PLCXD3: variants seen among roughly 807,000 people sequenced by gnomAD.
The protein encoded by PLCXD3 is PI-PLC X domain-containing protein 3.
In PLCXD3, 19 loss-of-function variants were observed where a neutral mutation model predicts 25.5. The ratio of observed to expected loss-of-function variants is 0.75; its 90% CI spans 0.52 to 1.09. PLCXD3 has a LOEUF of 1.09. Ranked by LOEUF, PLCXD3 falls within the 50% of genes least tolerant of loss-of-function variation. The probability of loss-of-function intolerance (pLI) is 0.00; values close to 1 mark genes in which losing one functional copy is unlikely to be tolerated. For missense variants in PLCXD3, 411 were observed against 388.1 expected, an observed-to-expected ratio of 1.06 and a Z score of -0.50; for synonymous variants, 174 against 137.6, an observed-to-expected ratio of 1.26 and a Z score of -1.85.
intron 2 of PLCXD3, among the ~76,000 whole-genome samples, chr5:41,318,461 G>A (rs1416969890): frequency 3.3e-5 from 5 of 152,056 alleles, no homozygotes; most frequent in Admixed American, 1.3e-4. Flanking sequence ...ATGAAGTTAA[G>A]GCGTATTTTT....
chr5:41,422,937 G>A (rs371404270), intron 1 of PLCXD3, among the ~76,000 whole-genome samples: 62 of 152,174 alleles, frequency 4.1e-4, no homozygotes, highest in African/African-American at 1.4e-3. Flanking sequence ...AGGTTAGGTA[G>A]TTGATAGATA....
chr5:41,415,741 A>T (rs1295889450), intron 1 of PLCXD3, among the ~76,000 whole-genome samples: 1 of 152,198 alleles, frequency 6.6e-6, no homozygotes, highest in Non-Finnish European at 1.5e-5. Flanking sequence ...GGATATTATT[A>T]TCTGCTTGAA....
At chr5:41,360,806 TG>T (rs1744749837) in intron 2 of PLCXD3, among the ~76,000 whole-genome samples, 1 of 152,184 alleles carries the variant, frequency 6.6e-6, no homozygotes, top group Non-Finnish European at 1.5e-5. Context: ...GTTGTATTTT[TG>T]TTTAATGCAT....
intron 2 of PLCXD3, among the ~76,000 whole-genome samples, chr5:41,358,453 C>CA (rs1744680778): frequency 6.6e-6 from 1 of 152,074 alleles, no homozygotes; most frequent in South Asian, 2.1e-4. Context: ...TCCTCACCCC[C>CA]ACTCCCGCTC....
intron 1 of PLCXD3, among the ~76,000 whole-genome samples, chr5:41,399,310 C>A (rs1425135223): frequency 6.6e-6 from 1 of 152,160 alleles, no homozygotes; most frequent in Non-Finnish European, 1.5e-5. Flanking sequence ...TATCAAAATA[C>A]TAATGACATT....
At chr5:41,498,849 C>T (rs1748893155) in intron 1 of PLCXD3, among the ~76,000 whole-genome samples, 1 of 151,640 alleles carries the variant, frequency 6.6e-6, no homozygotes, top group Non-Finnish European at 1.5e-5. Context: ...GATGATTCAA[C>T]ATATAAAAAT....
At chr5:41,315,645 C>T (rs1384018631) in intron 2 of PLCXD3, among the ~76,000 whole-genome samples, 1 of 152,260 alleles carries the variant, frequency 6.6e-6, no homozygotes, top group African/African-American at 2.4e-5. Context: ...GCGGAAAATG[C>T]CACAGAAGAA....
chr5:41,437,364 G>C (rs1260625015), intron 1 of PLCXD3, among the ~76,000 whole-genome samples: 1 of 152,228 alleles, frequency 6.6e-6, no homozygotes, highest in Non-Finnish European at 1.5e-5. Flanking sequence ...AACACTGAAA[G>C]TGAATGCATA....
intron 1 of PLCXD3, among the ~76,000 whole-genome samples, chr5:41,458,255 C>T (rs1383042385): frequency 6.6e-6 from 1 of 151,682 alleles, no homozygotes; most frequent in Admixed American, 6.6e-5. Flanking sequence ...TTAGGGATTC[C>T]ATAATTAAAG....
chr5:41,327,700 CTATT>C (rs1743673854), intron 2 of PLCXD3, among the ~76,000 whole-genome samples: 1 of 152,132 alleles, frequency 6.6e-6, no homozygotes, highest in African/African-American at 2.4e-5. Flanking sequence ...ATTTTAACAT[CTATT>C]TATAGAATGG....
intron 2 of PLCXD3, among the ~76,000 whole-genome samples, chr5:41,332,922 C>T (rs1743870562): frequency 1.3e-5 from 2 of 151,970 alleles, no homozygotes; most frequent in Admixed American, 1.3e-4. Context: ...GGAAGGGGAA[C>T]ATCACACTCT....
intron 1 of PLCXD3, among the ~76,000 whole-genome samples, chr5:41,462,349 T>C (rs1235451560): frequency 6.6e-6 from 1 of 152,048 alleles, no homozygotes; most frequent in Non-Finnish European, 1.5e-5. Flanking sequence ...AACAGAAGTT[T>C]AAACGTATTT....
intron 1 of PLCXD3, among the ~76,000 whole-genome samples, chr5:41,481,102 T>TAAA (rs554092157): frequency 2.2e-3 from 160 of 72,862 alleles, no homozygotes; most frequent in African/African-American, 6.8e-3. Flanking sequence ...ACCTAATTTG[T>TAAA]AAAAAAAAAA....
chr5:41,399,535 A>T (rs1746115619), intron 1 of PLCXD3, among the ~76,000 whole-genome samples: 1 of 152,052 alleles, frequency 6.6e-6, no homozygotes, highest in Non-Finnish European at 1.5e-5. Flanking sequence ...CCCAGAAACA[A>T]CTCCACACTC....
At chr5:41,491,280 T>A (rs1748662998) in intron 1 of PLCXD3, among the ~76,000 whole-genome samples, 1 of 152,264 alleles carries the variant, frequency 6.6e-6, no homozygotes, top group African/African-American at 2.4e-5. Context: ...ATAGTTTGAT[T>A]GCACTGTGGT....
At chr5:41,355,992 A>G (rs1262318629) in intron 2 of PLCXD3, among the ~76,000 whole-genome samples, 1 of 152,258 alleles carries the variant, frequency 6.6e-6, no homozygotes, top group East Asian at 1.9e-4. Context: ...TTGTTACCCA[A>G]TAACTTCTCT....
At chr5:41,333,808 A>T (rs553559283) in intron 2 of PLCXD3, among the ~76,000 whole-genome samples, 1 of 152,140 alleles carries the variant, frequency 6.6e-6, no homozygotes, top group Non-Finnish European at 1.5e-5. Context: ...GAACTAATTT[A>T]TTATAACTAT....
At chr5:41,415,880 G>C (rs1043343179) in intron 1 of PLCXD3, among the ~76,000 whole-genome samples, 3 of 152,138 alleles carry the variant, frequency 2.0e-5, no homozygotes, top group African/African-American at 4.8e-5. Context: ...GTTTATAATG[G>C]AACTGTGTGG....
chr5:41,493,590 G>T (rs1580401725), intron 1 of PLCXD3, among the ~76,000 whole-genome samples: 3 of 152,332 alleles, frequency 2.0e-5, no homozygotes, highest in African/African-American at 7.2e-5. Flanking sequence ...GCTCCACCCA[G>T]TTCGAGCTTT....
Sources: allele counts gnomAD v4.1 joint callset (sites outside exome capture counted in the v4.1 genomes callset), GRCh38; gene constraint gnomAD v4.1.1; transcripts MANE v1.5; gene names NCBI Gene and HGNC (gene_info 2026-07-23, HGNC 2026-07-21).